The following FANCC variants were observed in gnomAD, a reference collection of about 807,000 sequenced individuals.
FANCC encodes Fanconi anemia group C protein.
In FANCC, 55 loss-of-function variants were observed where a neutral mutation model predicts 71.3. The observed-to-expected ratio is 0.77, with a 90% CI of 0.62 to 0.97. FANCC has a LOEUF of 0.97. FANCC is among the 50% of genes least tolerant of loss of function. The pLI is 0.00. For synonymous variants in FANCC, 275 were observed against 244.9 expected, an observed-to-expected ratio of 1.12 and a Z score of -1.15; for missense variants, 678 against 670.9, an observed-to-expected ratio of 1.01 and a Z score of -0.12.
At chr9:95,169,320 T>G (rs1825512541) in intron 6 of FANCC, among the ~76,000 whole-genome samples, 1 of 152,160 alleles carries the variant, frequency 6.6e-6, no homozygotes, top group Non-Finnish European at 1.5e-5. Flanking sequence ...GGAAAAGACA[T>G]TAAAGTTGTG....
chr9:95,234,993 C>T (rs1056747262), intron 4 of FANCC, among the ~76,000 whole-genome samples: 8 of 152,220 alleles, frequency 5.3e-5, no homozygotes, highest in African/African-American at 1.7e-4. Context: ...GGGCAATCTG[C>T]TTTACTCAGT....
chr9:95,287,838 T>C (rs538219737), intron 1 of FANCC, among the ~76,000 whole-genome samples: 1 of 152,358 alleles, frequency 6.6e-6, no homozygotes, highest in Admixed American at 6.5e-5. Flanking sequence ...GTAGTATTTC[T>C]GCAATTTTTT....
At chr9:95,224,407 C>T (rs551563571) in intron 4 of FANCC, among the ~76,000 whole-genome samples, 6 of 152,238 alleles carry the variant, frequency 3.9e-5, no homozygotes, top group South Asian at 2.1e-4. Flanking sequence ...GTGACAATAT[C>T]TACCTTCATG....
At chr9:95,170,995 C>A in intron 6 of FANCC, 84 bp downstream of exon 6, 1 of 971,814 alleles carries the variant, frequency 1.0e-6, no homozygotes, top group Non-Finnish European at 1.7e-6. Context: ...ACATCCATTT[C>A]CTATGAATTG....
chr9:95,277,300 T>C (rs988802236), intron 1 of FANCC, among the ~76,000 whole-genome samples: 2 of 152,234 alleles, frequency 1.3e-5, no homozygotes, highest in Non-Finnish European at 2.9e-5. Flanking sequence ...CTGCACCTTT[T>C]TTCCTAAATG....
chr9:95,301,207 A>ACAC (rs879715650), intron 1 of FANCC, among the ~76,000 whole-genome samples: 7 of 128,114 alleles, frequency 5.5e-5, no homozygotes, highest in Non-Finnish European at 1.0e-4. Context: ...CACACACACA[A>ACAC]AATTGTTAAA....
At chr9:95,293,894 T>C in intron 1 of FANCC, 1 of 1,600,900 alleles carries the variant, frequency 6.2e-7, no homozygotes, top group Non-Finnish European at 8.6e-7. Context: ...GAGACATTTT[T>C]GAGTGTTCAT....
At chr9:95,295,872 G>T (rs904177081) in intron 1 of FANCC, among the ~76,000 whole-genome samples, 2 of 152,014 alleles carry the variant, frequency 1.3e-5, no homozygotes, top group African/African-American at 4.8e-5. Context: ...TCCTAAAAGA[G>T]AAGTAAATTT....
intron 1 of FANCC, among the ~76,000 whole-genome samples, chr9:95,313,090 A>G (rs571543165): frequency 1.3e-5 from 2 of 152,332 alleles, no homozygotes; most frequent in African/African-American, 4.8e-5. Flanking sequence ...GGGAAGATAC[A>G]CACCACAGAA....
intron 11 of FANCC, among the ~76,000 whole-genome samples, chr9:95,116,051 G>A (rs920659526): frequency 3.9e-5 from 6 of 152,214 alleles, no homozygotes; most frequent in Admixed American, 6.5e-5. Flanking sequence ...ACTTCTGCCC[G>A]AAGCCACCTA....
chr9:95,126,834 A>C, intron 8 of FANCC: 1 of 472,610 alleles, frequency 2.1e-6, no homozygotes, highest in South Asian at 2.2e-5. Context: ...TTTCTATAAA[A>C]GCTCAGGCGA....
intron 1 of FANCC, among the ~76,000 whole-genome samples, chr9:95,297,975 A>T (rs1390897271): frequency 3.3e-5 from 5 of 152,244 alleles, no homozygotes; most frequent in Non-Finnish European, 5.9e-5. Context: ...CTTTATTCTA[A>T]GAGCAAAGGT....
intron 1 of FANCC, among the ~76,000 whole-genome samples, chr9:95,314,909 A>G (rs1019956082): frequency 1.3e-5 from 2 of 152,164 alleles, no homozygotes; most frequent in Non-Finnish European, 2.9e-5. Context: ...TGCAATTCCT[A>G]CAAAGTCTAT....
chr9:95,271,506 G>A (rs1025422657), intron 1 of FANCC, among the ~76,000 whole-genome samples: 5 of 152,074 alleles, frequency 3.3e-5, no homozygotes, highest in African/African-American at 1.2e-4. Flanking sequence ...CATGCTGGCC[G>A]CCAGAAGTGA....
intron 7 of FANCC, 51 bp downstream of exon 7, chr9:95,149,869 CCTT>C: frequency 1.9e-6 from 3 of 1,547,500 alleles, no homozygotes; most frequent in Non-Finnish European, 2.6e-6. Context: ...CACACCACAG[CCTT>C]CTAAGAAAAG....
intron 4 of FANCC, among the ~76,000 whole-genome samples, chr9:95,174,873 CTGAG>C (rs1455852708): frequency 2.0e-5 from 3 of 152,000 alleles, no homozygotes; most frequent in Non-Finnish European, 4.4e-5. Context: ...CAGTGACACT[CTGAG>C]TGGTTACCAT....
At chr9:95,116,943 A>G (rs914829840) in intron 11 of FANCC, among the ~76,000 whole-genome samples, 2 of 152,236 alleles carry the variant, frequency 1.3e-5, no homozygotes, top group African/African-American at 2.4e-5. Flanking sequence ...CACAGAGTAG[A>G]AAGAATGAAA....
chr9:95,265,637 T>C (rs1832342766), intron 1 of FANCC, among the ~76,000 whole-genome samples: 1 of 152,180 alleles, frequency 6.6e-6, no homozygotes, highest in Non-Finnish European at 1.5e-5. Context: ...AGTTAGAAAG[T>C]GAGCTGAGGA....
chr9:95,187,042 G>T (rs1456251400), intron 4 of FANCC, among the ~76,000 whole-genome samples: 5 of 151,934 alleles, frequency 3.3e-5, no homozygotes, highest in Non-Finnish European at 7.4e-5. Flanking sequence ...CAAAGTGCTG[G>T]GATTACAGGT....
Sources: allele counts gnomAD v4.1 joint callset (sites outside exome capture counted in the v4.1 genomes callset), GRCh38; gene constraint gnomAD v4.1.1; transcripts MANE v1.5; gene names NCBI Gene and HGNC (gene_info 2026-07-23, HGNC 2026-07-21).